PDS5A: variants seen among roughly 807,000 people sequenced by gnomAD.
The protein encoded by PDS5A is PDS5 cohesin associated factor A.
Under a neutral mutation model 167.1 loss-of-function variants are expected in PDS5A, and 42 were observed. The ratio of observed to expected loss-of-function variants is 0.25; its 90% confidence interval spans 0.20 to 0.33. PDS5A has a LOEUF of 0.33. Ranked by LOEUF, PDS5A falls within the 10% of genes least tolerant of loss-of-function variation. PDS5A has a pLI of 1.00. For missense variants in PDS5A, 1,033 were observed against 1,605.9 expected, an observed-to-expected ratio of 0.64 and a Z score of 6.10; for synonymous variants, 553 against 554.6, an observed-to-expected ratio of 1.00 and a Z score of 0.04.
intron 16 of PDS5A, among the ~76,000 whole-genome samples, chr4:39,892,068 T>C (rs1722021023): frequency 6.6e-6 from 1 of 151,978 alleles, no homozygotes; most frequent in Non-Finnish European, 1.5e-5. Flanking sequence ...CCACCTGAGA[T>C]TGCACAGCTG....
chr4:39,955,683 T>C (rs1578820763), intron 2 of PDS5A, among the ~76,000 whole-genome samples: 3 of 151,904 alleles, frequency 2.0e-5, no homozygotes, highest in South Asian at 4.2e-4. Flanking sequence ...CATGTGTGAC[T>C]GGGGAGGGGA....
At chr4:39,899,844 T>C (rs961509331) in intron 14 of PDS5A, among the ~76,000 whole-genome samples, 1 of 125,458 alleles carries the variant, frequency 8.0e-6, no homozygotes, top group Non-Finnish European at 1.6e-5. Context: ...AGTAAGATCC[T>C]GTGTATTAAA....
In PDS5A at chr4:39,970,086, G is replaced by A. The variant is rs1049459125; in HGVS notation, c.138+6354C>T. ...AGACTGGTCTCGAACTCTTGACCTC[G>A]TGATCCACCCACCTTGGCCTCCCAA... On this transcript the variant is annotated intron_variant, in intron 2 of 32. Transcript: ENST00000303538. Among the ~76,000 whole-genome samples, 10 of 151,678 alleles carry A rather than the reference G, an allele frequency of 6.6e-5. 1 individual carries two copies. The highest frequency in any genetic ancestry group is 3.9e-4 in the East Asian group (2 of 5,188).
At chr4:39,868,118 C>A (rs138668858) in intron 22 of PDS5A, among the ~76,000 whole-genome samples, 3 of 152,104 alleles carry the variant, frequency 2.0e-5, no homozygotes, top group Non-Finnish European at 4.4e-5. Flanking sequence ...TATTTTAAAT[C>A]CCAAATCTGC....
At chr4:39,843,609 T>G (rs895429082) in intron 30 of PDS5A, among the ~76,000 whole-genome samples, 11 of 152,020 alleles carry the variant, frequency 7.2e-5, no homozygotes, top group Non-Finnish European at 1.0e-4. Context: ...GAAGCTGAGG[T>G]GTGAGAATCA....
In PDS5A at chr4:39,922,961, T is replaced by C. The variant is rs1180167730; in HGVS notation, c.528-213A>G. On this transcript the variant is annotated intron_variant, in intron 5 of 32. Coordinates refer to ENST00000303538, the MANE Select transcript of PDS5A (RefSeq NM_001100399.2). ...CTATTACAACAGTTGTAAGGTACTG[T>C]TGTATTTTATAAAAACAAAGACAAA... Among the ~76,000 whole-genome samples, 2 of 152,206 alleles carry C rather than the reference T, an allele frequency of 1.3e-5. No homozygotes were observed. The highest frequency in any genetic ancestry group is 4.8e-5 in the African/African-American group (2 of 41,468).
intron 2 of PDS5A, among the ~76,000 whole-genome samples, chr4:39,929,547 A>C (rs1725798942): frequency 8.5e-6 from 1 of 117,134 alleles, no homozygotes; most frequent in African/African-American, 3.2e-5. Context: ...ATATATATAT[A>C]TATATATATC....
At chr4:39,909,731 T>G (rs963650533) in intron 10 of PDS5A, among the ~76,000 whole-genome samples, 2 of 152,224 alleles carry the variant, frequency 1.3e-5, no homozygotes, top group African/African-American at 4.8e-5. Flanking sequence ...AAACCACTTA[T>G]GTGCTGCTAC....
chr4:39,908,740 T>G, intron 10 of PDS5A, 200 bp from the exon 11 acceptor site: 2 of 545,008 alleles, frequency 3.7e-6, no homozygotes, highest in South Asian at 2.3e-5. Context: ...AACTCCCAAG[T>G]TGGCCAGGTG....
chr4:39,880,574 A>AT (rs34892335), intron 17 of PDS5A, among the ~76,000 whole-genome samples: 2 of 151,500 alleles, frequency 1.3e-5, no homozygotes, highest in Non-Finnish European at 2.9e-5. Flanking sequence ...ATTTTGGCTA[A>AT]TTTTTTTTTC....
chr4:39,843,094 C>G (rs774393586), intron 30 of PDS5A, among the ~76,000 whole-genome samples: 3 of 150,950 alleles, frequency 2.0e-5, no homozygotes, highest in Non-Finnish European at 3.0e-5. Context: ...AGATTGGTTT[C>G]GAACTCCTGG....
chr4:39,956,676 A>C (rs1728952500), intron 2 of PDS5A, among the ~76,000 whole-genome samples: 1 of 149,968 alleles, frequency 6.7e-6, no homozygotes, highest in East Asian at 2.1e-4. Context: ...AGATTTTCTT[A>C]CTTTTTTTTT....
At chr4:39,836,597 C>A (rs1472389122) in intron 32 of PDS5A, among the ~76,000 whole-genome samples, 1 of 146,274 alleles carries the variant, frequency 6.8e-6, no homozygotes, top group African/African-American at 2.5e-5. Context: ...CCCACGACCA[C>A]ACCCGGGATT....
intron 2 of PDS5A, among the ~76,000 whole-genome samples, chr4:39,964,805 T>C (rs1279135516): frequency 6.6e-6 from 1 of 152,010 alleles, no homozygotes; most frequent in African/African-American, 2.4e-5. Flanking sequence ...TAGGTGGGCA[T>C]GGTGGCACAT....
rs374205138 is a variant in PDS5A at position 39,825,325 on chromosome 4, G to A, written c.*160C>T. The A allele has an allele frequency of 9.3e-5, 47 of 506,310 alleles. 1 individual carries two copies. The highest frequency in any genetic ancestry group is 3.6e-4 in the East Asian group (11 of 30,914). The allele number at this position is 506,310 out of a possible 1,614,324, so 31.4% of individuals were successfully genotyped here. ...TTTCCATCAGAGGACTTGTGGTCAT[G>A]TGAAAAGGAAGTAATAGTCTCTTTA... On this transcript the variant is annotated 3_prime_UTR_variant, in exon 33 of 33. Transcript: ENST00000303538.
chr4:39,973,017 T>G, intron 2 of PDS5A: 1 of 532,258 alleles, frequency 1.9e-6, no homozygotes. Flanking sequence ...TCCTTTCCTT[T>G]TTAAATTTAT....
intron 23 of PDS5A, among the ~76,000 whole-genome samples, chr4:39,864,601 T>C (rs549394387): frequency 1.3e-5 from 2 of 152,302 alleles, no homozygotes; most frequent in African/African-American, 4.8e-5. Flanking sequence ...ACTGGGACTG[T>C]TGCTAAGCAT....
intron 31 of PDS5A, among the ~76,000 whole-genome samples, chr4:39,841,313 T>C (rs1250383825): frequency 6.7e-6 from 1 of 149,992 alleles, no homozygotes; most frequent in African/African-American, 2.5e-5. Flanking sequence ...TTAATTTTTG[T>C]ACTTTTATAG....
rs1033248606 is a variant in PDS5A at position 39,977,056 on chromosome 4, C to G, written c.-41+401G>C. On this transcript the variant is annotated intron_variant, in intron 1 of 32. Transcript: ENST00000303538. The surrounding 1 kb of genome is among the most constrained non-coding windows in gnomAD (Gnocchi z 4.2). The stretch of plus-strand genomic sequence containing the variant: ...TCGGCTTAGGCCGCAAAACTAGGGA[C>G]CCAGCGGACCCACGCGCAGCGGCGG... Among the ~76,000 whole-genome samples, 10 of 152,248 alleles carry G rather than the reference C, an allele frequency of 6.6e-5. No homozygotes were observed. The East Asian group carries it at 1.9e-3, about 30-fold the overall frequency.
Sources: gnomAD v4.1 joint callset for allele counts (sites outside exome capture counted in the v4.1 genomes callset) on GRCh38, gnomAD v4.1.1 for gene constraint, Gnocchi (gnomAD v3.1) non-coding constraint, MANE v1.5 for transcripts, NCBI Gene and HGNC (gene_info 2026-07-23, HGNC 2026-07-21) for gene names.